PLCL1: variants seen among roughly 807,000 people sequenced by gnomAD.
The protein encoded by PLCL1 is inactive phospholipase C-like protein 1.
A neutral mutation model predicts 84.4 loss-of-function variants in PLCL1; 41 were observed. The ratio of observed to expected loss-of-function variants is 0.49; its 90% confidence interval spans 0.38 to 0.63. The LOEUF is 0.63. Among genes scored for constraint, PLCL1 ranks in the 30% least tolerant of loss-of-function variants. The pLI, the probability that PLCL1 is intolerant of heterozygous loss-of-function variation, is 0.00. For synonymous variants in PLCL1, 490 were observed against 488.3 expected, an observed-to-expected ratio of 1.00 and a Z score of -0.05; for missense variants, 1,206 against 1,367.8, an observed-to-expected ratio of 0.88 and a Z score of 1.87.
At chr2:197,958,798 C>G (rs1689544960) in intron 1 of PLCL1, among the ~76,000 whole-genome samples, 2 of 151,988 alleles carry the variant, frequency 1.3e-5, no homozygotes, top group African/African-American at 4.8e-5. Flanking sequence ...GTACTCTACT[C>G]TCAAGCACAG....
chr2:197,969,292 T>G (rs1219320988), intron 1 of PLCL1, among the ~76,000 whole-genome samples: 1 of 152,182 alleles, frequency 6.6e-6, no homozygotes, highest in East Asian at 1.9e-4. Context: ...GTCTAGCATA[T>G]GTTGTAGTGT....
chr2:198,144,068 G>A (rs1694457814), intron 5 of PLCL1, among the ~76,000 whole-genome samples: 1 of 152,096 alleles, frequency 6.6e-6, no homozygotes, highest in Admixed American at 6.6e-5. Context: ...TCTGGCATTT[G>A]GATGCCACCT....
At chr2:198,142,647 G>T (rs1694416399) in intron 5 of PLCL1, among the ~76,000 whole-genome samples, 1 of 152,126 alleles carries the variant, frequency 6.6e-6, no homozygotes, top group Non-Finnish European at 1.5e-5. Context: ...CCTGCCAGTG[G>T]AACCTTACAT....
intron 1 of PLCL1, among the ~76,000 whole-genome samples, chr2:197,979,976 C>G (rs1690069533): frequency 6.6e-6 from 1 of 152,084 alleles, no homozygotes; most frequent in Admixed American, 6.6e-5. Context: ...AAACCTTAGT[C>G]CCTGGACTGT....
At chr2:197,993,272 T>C (rs1690379751) in intron 1 of PLCL1, among the ~76,000 whole-genome samples, 1 of 152,230 alleles carries the variant, frequency 6.6e-6, no homozygotes, top group Admixed American at 6.5e-5. Flanking sequence ...ATGTTGAGCA[T>C]TTTTTCATGT....
intron 1 of PLCL1, among the ~76,000 whole-genome samples, chr2:197,970,750 TC>T (rs1175206787): frequency 6.6e-6 from 1 of 152,166 alleles, no homozygotes; most frequent in African/African-American, 2.4e-5. Flanking sequence ...TACCTTTTTT[TC>T]CCCCACAACA....
chr2:198,094,155 G>T (rs558121345), intron 3 of PLCL1, among the ~76,000 whole-genome samples: 22 of 152,160 alleles, frequency 1.4e-4, no homozygotes, highest in African/African-American at 5.1e-4. Context: ...TCCGCCTCCT[G>T]GGTTCATGCC....
chr2:198,130,998 T>C (rs1694106752), intron 5 of PLCL1, among the ~76,000 whole-genome samples: 1 of 152,126 alleles, frequency 6.6e-6, no homozygotes, highest in Non-Finnish European at 1.5e-5. Flanking sequence ...CTGAAACTCA[T>C]TGTGGCCTGT....
At position 197,951,702 on chromosome 2, in the gene PLCL1, A is replaced by C. The variant is rs544401210; in HGVS notation, c.241-132056A>C. 2.6e-5 allele frequency among the ~76,000 whole-genome samples: 4 copies of C among 152,274 alleles called. No individual in the cohort carries two copies. In the East Asian group the frequency reaches 7.7e-4, roughly 29 times the overall value. On this transcript the variant is annotated intron_variant, in intron 1 of 5. Coordinates refer to ENST00000428675, the MANE Select transcript of PLCL1 (RefSeq NM_006226.4). ...TAATCTGGATTTCTGTCACTTTACA[A>C]CAACAGAAATTCCAGCGAACACATA...
In PLCL1 at chr2:197,917,273, G is replaced by A. The variant is rs181620520; in HGVS notation, c.240+111934G>A. On this transcript the variant is annotated intron_variant, in intron 1 of 5. Coordinates refer to ENST00000428675, the MANE Select transcript of PLCL1 (RefSeq NM_006226.4). ...AAAAATGTCCTTTAATAGGTGATTA[G>A]ATAAATTGTGGTATATCATAAAATA... Among the ~76,000 whole-genome samples, 257 of 152,234 alleles carry A rather than the reference G, an allele frequency of 1.7e-3. 2 individuals are homozygous for A. The highest frequency in any genetic ancestry group is 6.8e-3 in the Middle Eastern group (2 of 294).
intron 1 of PLCL1, among the ~76,000 whole-genome samples, chr2:197,976,142 A>G (rs1298686216): frequency 6.6e-6 from 1 of 152,158 alleles, no homozygotes; most frequent in East Asian, 1.9e-4. Context: ...TGGCTCTCAG[A>G]GTGAGGAGCA....
At chr2:198,044,654 T>C (rs1691745709) in intron 1 of PLCL1, among the ~76,000 whole-genome samples, 1 of 152,198 alleles carries the variant, frequency 6.6e-6, no homozygotes, top group African/African-American at 2.4e-5. Context: ...AACTGTTGTT[T>C]TCTTCTGATT....
chr2:197,966,030 G>T lies in PLCL1; in HGVS notation c.241-117728G>T, dbSNP rs1689725635. 2.0e-5 allele frequency among the ~76,000 whole-genome samples: 3 copies of T among 152,042 alleles called. No homozygotes were observed. In the South Asian group the frequency reaches 6.2e-4, roughly 32 times the overall value. On this transcript the variant is annotated intron_variant, in intron 1 of 5. Transcript: ENST00000428675. Reference sequence around the variant, plus strand: ...GGACTGGGTTCTTCCCTTCAAGGAAGGGTTTTTCTTCTGGCTCAGGGTGTG... The same window carrying T: ...GGACTGGGTTCTTCCCTTCAAGGAATGGTTTTTCTTCTGGCTCAGGGTGTG...
chr2:198,089,969 C>T (rs1188763909), intron 3 of PLCL1, among the ~76,000 whole-genome samples: 3 of 152,172 alleles, frequency 2.0e-5, no homozygotes, highest in African/African-American at 7.2e-5. Flanking sequence ...TGGATACTCT[C>T]ATTCATCTAC....
rs557009475 is a variant in PLCL1 at position 197,978,435 on chromosome 2, G to A, written c.241-105323G>A. Among the ~76,000 whole-genome samples, 156 of 152,260 alleles carry A rather than the reference G, an allele frequency of 1.0e-3. 1 individual carries two copies. Among genetic ancestry groups the A allele is most frequent in the African/African-American group, 3.7e-3 (152 of 41,554 alleles). ...GAGCTTGCAAGTGAGCCGAGATGGC[G>A]GCACTGCACTCCAGCCTGGTCGACA... On this transcript the variant is annotated intron_variant, in intron 1 of 5. Coordinates refer to ENST00000428675, the MANE Select transcript of PLCL1 (RefSeq NM_006226.4).
chr2:198,116,464 GA>G, intron 5 of PLCL1, among the ~76,000 whole-genome samples: 1 of 151,850 alleles, frequency 6.6e-6, no homozygotes, highest in South Asian at 2.1e-4. Context: ...TCCCTTTAAG[GA>G]AAAACTCATG....
At chr2:197,916,251 T>G (rs1688598596) in intron 1 of PLCL1, among the ~76,000 whole-genome samples, 1 of 152,238 alleles carries the variant, frequency 6.6e-6, no homozygotes, top group South Asian at 2.1e-4. Flanking sequence ...CAAGTATTTT[T>G]AAGCACTGGG....
chr2:197,857,041 C>G (rs1374775563), intron 1 of PLCL1, among the ~76,000 whole-genome samples: 1 of 151,896 alleles, frequency 6.6e-6, no homozygotes, highest in African/African-American at 2.4e-5. Flanking sequence ...GGGCTTAATA[C>G]CTGGGTGATG....
chr2:197,941,206 G>T (rs10207433), intron 1 of PLCL1, among the ~76,000 whole-genome samples: 77,022 of 151,990 alleles, frequency 0.51, 20,211 homozygotes, highest in African/African-American at 0.63. Flanking sequence ...CCAAATTATG[G>T]GTTTTCCTTT....
Sources: allele counts gnomAD v4.1 joint callset (sites outside exome capture counted in the v4.1 genomes callset), GRCh38; gene constraint gnomAD v4.1.1; transcripts MANE v1.5; gene names NCBI Gene and HGNC (gene_info 2026-07-23, HGNC 2026-07-21).